The following INO80D variants were observed in gnomAD, a reference collection of about 807,000 sequenced individuals.
INO80D encodes INO80 complex subunit D.
INO80D carries 21 observed loss-of-function variants against 87.6 expected under a neutral mutation model. That is an observed-to-expected ratio of 0.24 (90% CI 0.17 to 0.35). INO80D has a LOEUF of 0.35. INO80D is among the 10% of genes least tolerant of loss of function. The pLI is 1.00. For synonymous variants in INO80D, 440 were observed against 491.0 expected (o/e 0.90, Z 1.37); for missense variants, 982 against 1,280.7 (o/e 0.77, Z 3.56).
In INO80D at chr2:206,000,768, C is replaced by CT. The variant is rs1224478821; in HGVS notation, c.*3599dup. The CT allele has an allele frequency of 3.9e-5, 6 of 152,154 alleles. No individual in the cohort carries two copies. Among genetic ancestry groups the CT allele is most frequent in the Admixed American group, 6.5e-5 (1 of 15,280 alleles). The allele number at this position is 152,154 out of a possible 1,614,324, so 9.4% of individuals were successfully genotyped here. A position where few individuals can be genotyped will look rare whatever the true frequency, so the allele number is the denominator to read the frequency against. ...TTATTTGGCAAAGATAAAGTATCAG[C>CT]TTTCTTTAGCCTCAAGCCACTAAAG... On this transcript the variant is annotated 3_prime_UTR_variant, in exon 11 of 11. Transcript: ENST00000403263.
chr2:206,022,753 A>G (rs952098779), intron 6 of INO80D, among the ~76,000 whole-genome samples: 5 of 152,188 alleles, frequency 3.3e-5, no homozygotes, highest in Admixed American at 3.3e-4. Flanking sequence ...TCCCTCTGTC[A>G]CCCAGGCTGG....
intron 3 of INO80D, among the ~76,000 whole-genome samples, chr2:206,058,150 A>G (rs2616349): frequency 0.64 from 96,614 of 151,590 alleles, 31,820 homozygotes; most frequent in South Asian, 0.74. Flanking sequence ...GCCGGGCACA[A>G]TGGCTCATGC....
intron 4 of INO80D, among the ~76,000 whole-genome samples, chr2:206,051,310 G>A (rs1025458116): frequency 5.3e-5 from 8 of 151,056 alleles, no homozygotes; most frequent in African/African-American, 1.9e-4. Flanking sequence ...ATAAGCTCTT[G>A]GACTTAAGGG....
At position 206,003,514 on chromosome 2, in the gene INO80D, T is replaced by A. The variant is rs575871647; in HGVS notation, c.*854A>T. ...CATCCCAGGCAAGCTTTTTAGGACA[T>A]CCCTACCTCACTGACGGGAATCCAA... On this transcript the variant is annotated 3_prime_UTR_variant, in exon 11 of 11. Transcript: ENST00000403263. 1 of 152,304 alleles carries A rather than the reference T, an allele frequency of 6.6e-6. No homozygotes were observed. The highest frequency in any genetic ancestry group is 2.4e-5 in the African/African-American group (1 of 41,566). The allele number at this position is 152,304 out of a possible 1,614,324, so 9.4% of individuals were successfully genotyped here. A position where few individuals can be genotyped will look rare whatever the true frequency, so the allele number is the denominator to read the frequency against.
chr2:206,005,164 C>T lies in INO80D; in HGVS notation c.2288G>A (p.Gly763Asp). The T allele has an allele frequency of 6.2e-7, 1 of 1,613,974 alleles. No individual in the cohort carries two copies. Among genetic ancestry groups the T allele is most frequent in the Non-Finnish European group, 8.5e-7 (1 of 1,179,876 alleles). Residue 763 changes from glycine to aspartate, a missense_variant, in exon 11 of 11, where the codon GGC (glycine) becomes GAC (aspartate). Physicochemically the swap from Gly to Asp is moderately conservative, Grantham distance 94. Transcript: ENST00000403263. The stretch of plus-strand genomic sequence containing the variant: ...GCTGATCAGAGTGGCAGAAGTAAGG[C>T]CAACGTTGGCTGGGGCAGAGAACTG... ...QGQFSAPANVGLTSATLISQS... is the reference protein window; with the variant it reads ...QGQFSAPANVDLTSATLISQS...
intron 8 of INO80D, among the ~76,000 whole-genome samples, chr2:206,014,716 T>C (rs1378191944): frequency 6.6e-6 from 1 of 151,748 alleles, no homozygotes; most frequent in Non-Finnish European, 1.5e-5. Context: ...TTGGTACCAG[T>C]AGAGTGGGGT....
chr2:206,049,153 T>C (rs976943362), intron 4 of INO80D, among the ~76,000 whole-genome samples: 2 of 152,128 alleles, frequency 1.3e-5, no homozygotes, highest in Non-Finnish European at 2.9e-5. Context: ...TTTAAATGAG[T>C]TTACATGTGC....
chr2:206,060,455 T>A (rs1331185283), intron 3 of INO80D, among the ~76,000 whole-genome samples: 6 of 149,482 alleles, frequency 4.0e-5, no homozygotes, highest in African/African-American at 1.5e-4. Flanking sequence ...ATTGCTTGAA[T>A]CAGGAGGCAG....
chr2:206,018,032 G>A (rs1311394440), intron 7 of INO80D, among the ~76,000 whole-genome samples: 1 of 152,142 alleles, frequency 6.6e-6, no homozygotes, highest in East Asian at 1.9e-4. Context: ...TGAGACCCTG[G>A]CACCAGTCTC....
At position 205,996,059 on chromosome 2, in the gene INO80D, A is replaced by C. The variant is rs1687802081; in HGVS notation, c.*8309T>G. 6.6e-6 allele frequency: 1 copy of C among 152,162 alleles called. No homozygotes were observed. The highest frequency in any genetic ancestry group is 1.5e-5 in the Non-Finnish European group (1 of 67,980). 9.4% of individuals were successfully genotyped at this position (152,162 alleles called of 1,614,324 possible). ...CATAATTATGTTCTTTTGTAATTTA[A>C]GTAAAATGTCCCCAAATTATTGAGC... On this transcript the variant is annotated 3_prime_UTR_variant, in exon 11 of 11. Transcript: ENST00000403263.
chr2:206,077,528 A>G (rs1349592271), intron 1 of INO80D, among the ~76,000 whole-genome samples: 1 of 152,202 alleles, frequency 6.6e-6, no homozygotes, highest in East Asian at 1.9e-4. Flanking sequence ...CTTAAATACT[A>G]ATGTTCTTGT....
At chr2:206,018,879 G>A (rs567029154) in intron 7 of INO80D, among the ~76,000 whole-genome samples, 1 of 152,264 alleles carries the variant, frequency 6.6e-6, no homozygotes, top group South Asian at 2.1e-4. Flanking sequence ...CTTCAGCCGG[G>A]GTGACAGAGT....
intron 4 of INO80D, among the ~76,000 whole-genome samples, chr2:206,047,422 T>C (rs1195552808): frequency 6.6e-6 from 1 of 151,944 alleles, no homozygotes; most frequent in Non-Finnish European, 1.5e-5. Flanking sequence ...TTTCGCCATG[T>C]TGGCCAGGCT....
At position 206,017,756 on chromosome 2, in the gene INO80D, T is replaced by C. The variant is rs1460673546; in HGVS notation, c.1466A>G (p.Asp489Gly). ...LFSSCTAKFA[D>G]GQQCSVPVFD... ...AACTGGCACAGAGCACTGCTGTCCA[T>C]CTGCAAACTTGGCTGTGCAACTTGA... is the stretch of plus-strand genomic sequence containing the variant. Residue 489 changes from aspartate (D) to glycine (G), a missense_variant, in exon 8 of 11, where the codon GAT (aspartate) becomes GGT (glycine). Physicochemically the swap from Asp to Gly is moderately conservative, Grantham distance 94. Coordinates refer to ENST00000403263, the MANE Select transcript of INO80D (RefSeq NM_017759.5). 1.2e-6 allele frequency: 2 copies of C among 1,613,590 alleles called. No homozygotes were observed. Among genetic ancestry groups the C allele is most frequent in the African/African-American group, 1.3e-5 (1 of 74,924 alleles).
chr2:206,072,497 C>G lies in INO80D; in HGVS notation c.-123-9253G>C, dbSNP rs375356799. ...TTCAGCATGTTGGCGAGGCTGGTCT[C>G]GAATTCCTGTCCTCAGGTGATCCAT... On this transcript the variant is annotated intron_variant, in intron 1 of 10. Transcript: ENST00000403263. Among the ~76,000 whole-genome samples the G allele has an allele frequency of 1.5e-4, 23 of 152,080 alleles. No individual in the cohort carries two copies. The East Asian group carries it at 4.5e-3, about 29-fold the overall frequency.
chr2:206,046,544 C>A lies in INO80D; in HGVS notation c.1033G>T (p.Ala345Ser), dbSNP rs1344045402. The A allele has an allele frequency of 1.2e-6, 2 of 1,613,588 alleles. No homozygotes were observed. The highest frequency in any genetic ancestry group is 2.2e-5 in the East Asian group (1 of 44,878). Residue 345 changes from alanine to serine, a missense_variant, in exon 5 of 11, where the codon GCA becomes TCA. Ala to Ser is a moderately conservative substitution (Grantham distance 99). Coordinates refer to ENST00000403263, the MANE Select transcript of INO80D (RefSeq NM_017759.5). ...CTGAGGGTTTCCCGGATGGACCATG[C>A]AACCTGGTAGGGCGAGGCCTGCTCT... ...DSEQASPYQV[A>S]WSIRETLRYQ...
rs1559439672 is a variant in INO80D, at chr2:206,025,545, AT to A, written c.1298+2565del. 334 of 118,556 alleles carry A rather than the reference AT, an allele frequency of 2.8e-3. 4 individuals are homozygous for A. The highest frequency in any genetic ancestry group is 0.01 in the African/African-American group (313 of 31,230). 7.3% of individuals were successfully genotyped at this position (118,556 alleles called of 1,614,324 possible). On this transcript the variant is annotated intron_variant, in intron 6 of 10. Coordinates refer to ENST00000403263, the MANE Select transcript of INO80D (RefSeq NM_017759.5). ...CTCCATCTCAAAAAAAAAAAAAAATATATATATATATATATATATATATAAA... is the reference window on the plus strand; with the variant it reads ...CTCCATCTCAAAAAAAAAAAAAAATAATATATATATATATATATATATAAA...
rs900946215 is a variant in INO80D, at chr2:206,062,138, G to A, written c.218+661C>T. On this transcript the variant is annotated intron_variant, in intron 3 of 10. Coordinates refer to ENST00000403263, the MANE Select transcript of INO80D (RefSeq NM_017759.5). The surrounding 1 kb of genome is among the most constrained non-coding windows in gnomAD (Gnocchi z 4.6). The stretch of plus-strand genomic sequence containing the variant: ...AACTCATCATTCTAGTGGCAAAACC[G>A]ACCCTTAATGTGAAAATAGTGTTTC... Among the ~76,000 whole-genome samples the A allele has an allele frequency of 5.3e-5, 8 of 152,058 alleles. No individual in the cohort carries two copies. The highest frequency in any genetic ancestry group is 1.2e-4 in the African/African-American group (5 of 41,438).
At position 206,002,637 on chromosome 2, in the gene INO80D, A is replaced by C. The variant is rs1304077215; in HGVS notation, c.*1731T>G. On this transcript the variant is annotated 3_prime_UTR_variant, in exon 11 of 11. Transcript: ENST00000403263. ...GCCTGCTGATCACCATCATTCCTTTAAAAAGCAGAGAAAGAAAAGCTTTCA... is the reference window on the plus strand; with the variant it reads ...GCCTGCTGATCACCATCATTCCTTTCAAAAGCAGAGAAAGAAAAGCTTTCA... 6.6e-6 allele frequency: 1 copy of C among 152,188 alleles called. No individual in the cohort carries two copies. The highest frequency in any genetic ancestry group is 1.9e-4 in the East Asian group (1 of 5,192). 9.4% of individuals were successfully genotyped at this position (152,188 alleles called of 1,614,324 possible).
Sources: gnomAD v4.1 joint callset for allele counts (sites outside exome capture counted in the v4.1 genomes callset) on GRCh38, gnomAD v4.1.1 for gene constraint, Gnocchi (gnomAD v3.1) non-coding constraint, MANE v1.5 for transcripts, NCBI Gene and HGNC (gene_info 2026-07-23, HGNC 2026-07-21) for gene names.